Variants in NOP9 observed in about 807,000 individuals in gnomAD.
The protein encoded by NOP9 is NOP9 nucleolar protein, also known as nucleolar protein 9.
A neutral mutation model predicts 63.0 loss-of-function variants in NOP9; 50 were observed. The observed-to-expected ratio is 0.79, with a 90% confidence interval of 0.63 to 1.00. The LOEUF (loss-of-function observed/expected upper bound fraction) is 1.00. Ranked by LOEUF, NOP9 falls within the 50% of genes least tolerant of loss-of-function variation. NOP9 has a pLI of 0.00. For missense variants in NOP9, 758 were observed against 803.0 expected, an observed-to-expected ratio of 0.94 and a Z score of 0.68; for synonymous variants, 343 against 332.8, an observed-to-expected ratio of 1.03 and a Z score of -0.33.
the NOP9 span, among the ~76,000 whole-genome samples, chr14:24,273,558 C>T: frequency 6.6e-6 from 1 of 152,218 alleles, no homozygotes; most frequent in East Asian, 1.9e-4. Context: ...ATATACTTGT[C>T]CTTTCCTAGA....
chr14:24,307,770 G>A lies in NOP9; in HGVS notation c.*2675G>A. On this transcript the variant is annotated 3_prime_UTR_variant, in exon 10 of 10. Transcript: ENST00000267425. ...GGGCTGAGTGGAGTATTGTTGCCCTGCCTATATCCCCTAAAGGTGGAGGGT... is the reference window on the plus strand; with the variant it reads ...GGGCTGAGTGGAGTATTGTTGCCCTACCTATATCCCCTAAAGGTGGAGGGT... 1 of 1,547,690 alleles carries A rather than the reference G, an allele frequency of 6.5e-7. No homozygotes were observed. Among genetic ancestry groups the A allele is most frequent in the Non-Finnish European group, 8.8e-7 (1 of 1,136,466 alleles).
rs1196718207 is a variant in NOP9 at position 24,306,394 on chromosome 14, G to A, written c.*1299G>A. 6.2e-7 allele frequency: 1 copy of A among 1,614,238 alleles called. No individual in the cohort carries two copies. The highest frequency in any genetic ancestry group is 8.5e-7 in the Non-Finnish European group (1 of 1,180,034). On this transcript the variant is annotated 3_prime_UTR_variant, in exon 10 of 10. Coordinates refer to ENST00000267425, the MANE Select transcript of NOP9 (RefSeq NM_174913.3). ...CTTACCCTTGTAGGGCTCCAGCTCTGACCAGACTGCAACACCATCAGGCAC... is the reference window on the plus strand; with the variant it reads ...CTTACCCTTGTAGGGCTCCAGCTCTAACCAGACTGCAACACCATCAGGCAC...
the NOP9 span, among the ~76,000 whole-genome samples, chr14:24,275,842 C>A: frequency 6.6e-6 from 1 of 152,204 alleles, no homozygotes; most frequent in Admixed American, 6.5e-5. Context: ...GGCCTCACAG[C>A]ATGTTGGGTG....
the NOP9 span, among the ~76,000 whole-genome samples, chr14:24,277,552 C>T: frequency 1.4e-4 from 22 of 152,032 alleles, no homozygotes; most frequent in African/African-American, 4.8e-4. Flanking sequence ...TCTGTGCTCC[C>T]GAAGCCATAA....
the NOP9 span, among the ~76,000 whole-genome samples, chr14:24,289,364 C>T: frequency 6.6e-6 from 1 of 152,270 alleles, no homozygotes; most frequent in South Asian, 2.1e-4. Context: ...TGGGCTCAAG[C>T]GATCCACCTT....
rs73591404 is a variant in NOP9, at chr14:24,303,203, C to T, written c.1273C>T (p.Leu425Phe). The change falls in exon 6 of 10, where the codon CTC becomes TTC. Residue 425 changes from leucine (L) to phenylalanine (F), a missense_variant. Physicochemically the swap from Leu to Phe is conservative, Grantham distance 22. Transcript: ENST00000267425. Reference protein sequence around the residue: ...VGAYQAKVLQLLLEAFHCAEP... With the variant: ...VGAYQAKVLQFLLEAFHCAEP... Reference sequence around the variant, plus strand: ...GGCCTACCAAGCCAAGGTCCTACAGCTCTTGTTGGAGGTGAGTGGATATTA... The same window carrying T: ...GGCCTACCAAGCCAAGGTCCTACAGTTCTTGTTGGAGGTGAGTGGATATTA... 4,831 of 1,614,044 alleles carry T rather than the reference C, an allele frequency of 3.0e-3. 138 individuals carry two copies. In the African/African-American group the frequency reaches 0.059, roughly 20 times the overall value.
the NOP9 span, among the ~76,000 whole-genome samples, chr14:24,276,706 G>A: frequency 6.6e-6 from 1 of 152,346 alleles, no homozygotes; most frequent in African/African-American, 2.4e-5. Flanking sequence ...CCACAGAAGG[G>A]ACACCTCACC....
At position 24,299,949 on chromosome 14, in the gene NOP9, G is replaced by T. The variant is rs2139111588; in HGVS notation, c.-6G>T. 2 of 1,530,804 alleles carry T rather than the reference G, an allele frequency of 1.3e-6. No individual in the cohort carries two copies. The highest frequency in any genetic ancestry group is 8.8e-7 in the Non-Finnish European group (1 of 1,140,430). The allele number at this position is 1,530,804 out of a possible 1,614,324, so 94.8% of individuals were successfully genotyped here. ...CTTTTGCAGCCGGACAGGTCGCGAA[G>T]CACACATGGGGCAGGGTCCGCGCTC... On this transcript the variant is annotated 5_prime_UTR_variant, in exon 1 of 10. Coordinates refer to ENST00000267425, the MANE Select transcript of NOP9 (RefSeq NM_174913.3).
At chr14:24,298,054 A>AT (rs879290154), upstream of NOP9, among the ~76,000 whole-genome samples, 755 of 148,294 alleles carry the variant, frequency 5.1e-3, 1 homozygote, top group Non-Finnish European at 7.3e-3. Context: ...TTTAATTAAA[A>AT]TTTTTTTTTT....
chr14:24,307,664 G>A lies in NOP9; in HGVS notation c.*2569G>A, dbSNP rs75930280. The A allele has an allele frequency of 5.0e-6, 6 of 1,189,470 alleles. No homozygotes were observed. Among genetic ancestry groups the A allele is most frequent in the African/African-American group, 3.0e-5 (2 of 65,952 alleles). 73.7% of individuals were successfully genotyped at this position (1,189,470 alleles called of 1,614,324 possible). A position where few individuals can be genotyped will look rare whatever the true frequency, so the allele number is the denominator to read the frequency against. Reference sequence around the variant, plus strand: ...GAGGGAGAGACCATGGAGTGCAGGTGGGGGCGGGTGGCTCAGGAGCTTGAC... The same window carrying A: ...GAGGGAGAGACCATGGAGTGCAGGTAGGGGCGGGTGGCTCAGGAGCTTGAC... On this transcript the variant is annotated 3_prime_UTR_variant, in exon 10 of 10. Coordinates refer to ENST00000267425, the MANE Select transcript of NOP9 (RefSeq NM_174913.3).
At chr14:24,289,048 T>C in the NOP9 span, among the ~76,000 whole-genome samples, 1 of 151,390 alleles carries the variant, frequency 6.6e-6, no homozygotes, top group South Asian at 2.1e-4. Context: ...CGATCTCGGC[T>C]CACTGCAACC....
chr14:24,282,664 G>T, the NOP9 span, among the ~76,000 whole-genome samples: 1 of 152,284 alleles, frequency 6.6e-6, no homozygotes, highest in East Asian at 1.9e-4. Context: ...GGGCATATGT[G>T]TTGGTACTTG....
In NOP9 at chr14:24,306,628, A is replaced by G; in HGVS notation, c.*1533A>G. 1 of 1,471,396 alleles carries G rather than the reference A, an allele frequency of 6.8e-7. No homozygotes were observed. The highest frequency in any genetic ancestry group is 9.4e-7 in the Non-Finnish European group (1 of 1,066,090). 91.1% of individuals were successfully genotyped at this position (1,471,396 alleles called of 1,614,324 possible). The stretch of plus-strand genomic sequence containing the variant: ...GGCTCTAGACATTGGTCGATGTCCC[A>G]CTTTGACTTTCCGGCACTTTGATAC... On this transcript the variant is annotated 3_prime_UTR_variant, in exon 10 of 10. Coordinates refer to ENST00000267425, the MANE Select transcript of NOP9 (RefSeq NM_174913.3).
chr14:24,302,049 A>G lies in NOP9; in HGVS notation c.893A>G (p.His298Arg). 6.2e-7 allele frequency: 1 copy of G among 1,613,814 alleles called. No individual in the cohort carries two copies. Among genetic ancestry groups the G allele is most frequent in the Non-Finnish European group, 8.5e-7 (1 of 1,179,902 alleles). ...CGCAAACTTCCCCAGTTTTGCGCTC[A>G]TCTCTGCAATGCTGTGATTGGCTAC... The part of the protein sequence containing the change: ...LHRKLPQFCA[H>R]LCNAVIGYLS... Residue 298 changes from histidine to arginine, a missense_variant, in exon 4 of 10, where the codon CAT (histidine) becomes CGT (arginine). Transcript: ENST00000267425.
At chr14:24,275,907 G>A in the NOP9 span, among the ~76,000 whole-genome samples, 3 of 152,358 alleles carry the variant, frequency 2.0e-5, no homozygotes, top group African/African-American at 4.8e-5. Flanking sequence ...AGAGCTTACA[G>A]TGGCGTGTAG....
the NOP9 span, among the ~76,000 whole-genome samples, chr14:24,274,906 C>CTTTTT: frequency 1.2e-5 from 1 of 83,688 alleles, no homozygotes; most frequent in East Asian, 4.1e-4. Context: ...CCATGTCCGG[C>CTTTTT]TTTTTTTTTT....
At chr14:24,298,729 G>A (rs760448097), upstream of NOP9, 6 of 497,168 alleles carry the variant, frequency 1.2e-5, no homozygotes, top group Non-Finnish European at 2.1e-5. Context: ...GCAGGAACGT[G>A]CCACCATGCC....
upstream of NOP9, among the ~76,000 whole-genome samples, chr14:24,297,398 ACTCT>A (rs2041268957): frequency 6.6e-6 from 1 of 152,044 alleles, no homozygotes; most frequent in Non-Finnish European, 1.5e-5. Flanking sequence ...GTTCTGTCTC[ACTCT>A]CTACAAATGC....
chr14:24,300,276 G>C (rs1172442532), intron 1 of NOP9, 75 bp downstream of exon 1: 8 of 1,583,878 alleles, frequency 5.1e-6, no homozygotes, highest in Non-Finnish European at 6.0e-6. Flanking sequence ...AGGGTCGGCA[G>C]GGCGTGGGGA....
Sources: allele counts gnomAD v4.1 joint callset (sites outside exome capture counted in the v4.1 genomes callset), GRCh38; gene constraint gnomAD v4.1.1; transcripts MANE v1.5; gene names NCBI Gene and HGNC (gene_info 2026-07-23, HGNC 2026-07-21).